The following ZFHX3 variants were observed in gnomAD, a reference collection of about 807,000 sequenced individuals.
The protein encoded by ZFHX3 is zinc finger homeobox 3.
ZFHX3 carries 42 observed loss-of-function variants against 279.1 expected under a neutral mutation model. That is an observed-to-expected ratio of 0.15 (90% CI 0.12 to 0.19). The LOEUF (loss-of-function observed/expected upper bound fraction) is 0.19. Ranked by LOEUF, ZFHX3 falls within the 10% of genes least tolerant of loss-of-function variation. The pLI is 1.00. For missense variants in ZFHX3, 4,981 were observed against 4,754.0 expected, an observed-to-expected ratio of 1.05 and a Z score of -1.40; for synonymous variants, 2,293 against 1,957.8, an observed-to-expected ratio of 1.17 and a Z score of -4.52.
intron 1 of ZFHX3, among the ~76,000 whole-genome samples, chr16:73,018,967 A>AGTGTGT (rs1314561045): frequency 3.4e-4 from 52 of 152,224 alleles, no homozygotes; most frequent in South Asian, 1.0e-3. Context: ...AAGGACACAC[A>AGTGTGT]CCTCAGAGGC....
intron 3 of ZFHX3, among the ~76,000 whole-genome samples, chr16:73,391,861 A>T (rs8060963): frequency 6.6e-6 from 1 of 151,896 alleles, no homozygotes; most frequent in African/African-American, 2.4e-5. Flanking sequence ...ACCGGGGAAG[A>T]CTTCAGGTAT....
At chr16:72,957,326 G>T in intron 2 of ZFHX3, 101 bp downstream of exon 2, 2 of 1,393,476 alleles carry the variant, frequency 1.4e-6, no homozygotes, top group South Asian at 1.4e-5. Flanking sequence ...CACTCGAGAA[G>T]ACCAGAGTCA....
chr16:72,893,453 G>A (rs531339883), intron 3 of ZFHX3, among the ~76,000 whole-genome samples: 2 of 152,336 alleles, frequency 1.3e-5, no homozygotes, highest in African/African-American at 2.4e-5. Flanking sequence ...ATGGAAATGC[G>A]ATGTCAAATG....
chr16:73,112,815 A>G (rs1473835669), intron 7 of ZFHX3, among the ~76,000 whole-genome samples: 1 of 146,824 alleles, frequency 6.8e-6, no homozygotes, highest in Non-Finnish European at 1.5e-5. Flanking sequence ...CCCAGACCCC[A>G]CCCACATTCC....
intron 1 of ZFHX3, among the ~76,000 whole-genome samples, chr16:73,766,035 T>C (rs2053936155): frequency 6.6e-6 from 1 of 152,116 alleles, no homozygotes; most frequent in South Asian, 2.1e-4. Flanking sequence ...ACCTATCTAG[T>C]CCCTGGAGCA....
chr16:73,742,052 G>A (rs1208185337), intron 1 of ZFHX3, among the ~76,000 whole-genome samples: 2 of 152,186 alleles, frequency 1.3e-5, no homozygotes, highest in Non-Finnish European at 2.9e-5. Context: ...TTTCAAGGGT[G>A]CATATCATCA....
intron 5 of ZFHX3, among the ~76,000 whole-genome samples, chr16:73,206,700 C>A (rs554147215): frequency 5.3e-5 from 8 of 152,042 alleles, no homozygotes; most frequent in Admixed American, 3.9e-4. Flanking sequence ...TCTCGATATA[C>A]AATTAAACAG....
chr16:72,967,913 G>A (rs1230877253), intron 1 of ZFHX3, among the ~76,000 whole-genome samples: 3 of 136,618 alleles, frequency 2.2e-5, no homozygotes, highest in East Asian at 2.1e-4. Flanking sequence ...GGGTGACAGA[G>A]AGAGACCCCA....
intron 3 of ZFHX3, among the ~76,000 whole-genome samples, chr16:73,398,149 G>A (rs990390237): frequency 6.6e-6 from 1 of 152,140 alleles, no homozygotes; most frequent in Admixed American, 6.6e-5. Flanking sequence ...CCAGCCAAGA[G>A]GTCTGTTTTA....
At chr16:73,738,829 G>T (rs970531611) in intron 1 of ZFHX3, among the ~76,000 whole-genome samples, 1 of 152,132 alleles carries the variant, frequency 6.6e-6, no homozygotes, top group South Asian at 2.1e-4. Context: ...TTCCATGTCA[G>T]CTGGATTCCT....
intron 1 of ZFHX3, among the ~76,000 whole-genome samples, chr16:73,761,128 C>T (rs1055991186): frequency 9.9e-5 from 15 of 152,100 alleles, no homozygotes; most frequent in East Asian, 3.9e-4. Flanking sequence ...TAAGCAACTT[C>T]GGCAAAGCCT....
Position 72,793,815 on chromosome 16 carries a change from A to G in ZFHX3, c.8867T>C (p.Leu2956Pro). 6.2e-7 allele frequency: 1 copy of G among 1,614,170 alleles called. No individual in the cohort carries two copies. The highest frequency in any genetic ancestry group is 8.5e-7 in the Non-Finnish European group (1 of 1,180,042). Residue 2956 changes from leucine to proline, a missense_variant, in exon 9 of 10, where the codon CTG becomes CCG. Leu to Pro is a moderately conservative substitution (Grantham distance 98). Transcript: ENST00000268489. This position sits in a 1 kb window ranked among gnomAD's most constrained non-coding sequence, Gnocchi z 4.3. The stretch of plus-strand genomic sequence containing the variant: ...GCATGACTTGAGGACCTTCAGCTGC[A>G]GATTGGTCATTTGAGTGCGAAAACG... ...QKRFRTQMTN[L>P]QLKVLKSCFN...
chr16:72,965,913 A>G (rs1403777989), intron 1 of ZFHX3, among the ~76,000 whole-genome samples: 1 of 152,244 alleles, frequency 6.6e-6, no homozygotes, highest in African/African-American at 2.4e-5. Context: ...AAATAAACCG[A>G]AAAATACCCT....
intron 3 of ZFHX3, among the ~76,000 whole-genome samples, chr16:72,926,478 G>A (rs1216458643): frequency 2.6e-5 from 4 of 152,086 alleles, no homozygotes; most frequent in African/African-American, 7.2e-5. Context: ...AAACATATTC[G>A]GGCCCTTGTG....
intron 1 of ZFHX3, among the ~76,000 whole-genome samples, chr16:73,022,708 C>A (rs899573317): frequency 1.3e-5 from 2 of 152,098 alleles, no homozygotes; most frequent in African/African-American, 4.8e-5. Flanking sequence ...GCAGGTAACA[C>A]AAATGAGCGA....
rs73598912 is a variant in ZFHX3 at position 73,453,560 on chromosome 16, T to C, written c.-1291+2443A>G. 1.2e-3 allele frequency among the ~76,000 whole-genome samples: 179 copies of C among 152,322 alleles called. 1 individual carries two copies. Among genetic ancestry groups the C allele is most frequent in the African/African-American group, 4.0e-3 (165 of 41,568 alleles). ...CCACCTTCAGCTGTTTTAACCATCCTGGCCCAGGAGCCAGACATGCAAATG... is the reference window on the plus strand; with the variant it reads ...CCACCTTCAGCTGTTTTAACCATCCCGGCCCAGGAGCCAGACATGCAAATG... On this transcript the variant is annotated intron_variant, in intron 3 of 17. Transcript: ENST00000641206.
intron 5 of ZFHX3, among the ~76,000 whole-genome samples, chr16:72,815,104 G>C (rs576674539): frequency 6.6e-6 from 1 of 152,250 alleles, no homozygotes; most frequent in East Asian, 1.9e-4. Flanking sequence ...TCTGTAGATG[G>C]GCAAACAGTT....
At chr16:73,568,529 C>T (rs2020481600) in intron 2 of ZFHX3, among the ~76,000 whole-genome samples, 1 of 152,156 alleles carries the variant, frequency 6.6e-6, no homozygotes, top group South Asian at 2.1e-4. Flanking sequence ...CAAAAATCAA[C>T]CCGTTGACTG....
At chr16:73,022,136 G>C (rs1012190638) in intron 1 of ZFHX3, among the ~76,000 whole-genome samples, 2 of 152,168 alleles carry the variant, frequency 1.3e-5, no homozygotes, top group South Asian at 2.1e-4. Flanking sequence ...AGGGAGATGA[G>C]GTAGTATAAG....
Sources: allele counts gnomAD v4.1 joint callset (sites outside exome capture counted in the v4.1 genomes callset), GRCh38; gene constraint gnomAD v4.1.1; non-coding constraint Gnocchi (gnomAD v3.1); transcripts MANE v1.5; gene names NCBI Gene and HGNC (gene_info 2026-07-23, HGNC 2026-07-21).